Variants in CCDC81 observed in about 807,000 individuals in gnomAD.
CCDC81 encodes coiled-coil domain containing 81.
In CCDC81, 79 loss-of-function variants were observed where a neutral mutation model predicts 83.7. That is an observed-to-expected ratio of 0.94 (90% confidence interval 0.79 to 1.14). The LOEUF (loss-of-function observed/expected upper bound fraction) is 1.14, where lower values mean the gene tolerates loss of function less well. Among genes scored for constraint, CCDC81 ranks in the 50% most tolerant of loss-of-function variants. The pLI is 0.00. For missense variants in CCDC81, 791 were observed against 778.1 expected, an observed-to-expected ratio of 1.02 and a Z score of -0.20; for synonymous variants, 252 against 278.1, an observed-to-expected ratio of 0.91 and a Z score of 0.93.
intron 1 of CCDC81, among the ~76,000 whole-genome samples, chr11:86,379,182 C>T (rs1352638197): frequency 4.0e-5 from 6 of 151,886 alleles, no homozygotes; most frequent in Admixed American, 1.3e-4. Flanking sequence ...CTGCAAGCTC[C>T]GCCTCCTGGG....
intron 11 of CCDC81, among the ~76,000 whole-genome samples, chr11:86,413,331 G>A (rs1309980915): frequency 6.6e-6 from 1 of 152,200 alleles, no homozygotes; most frequent in Non-Finnish European, 1.5e-5. Context: ...GGATGGGGGT[G>A]TGGCAGGCCA....
chr11:86,409,600 C>T (rs1337068029), intron 10 of CCDC81, among the ~76,000 whole-genome samples: 4 of 152,124 alleles, frequency 2.6e-5, no homozygotes, highest in South Asian at 2.1e-4. Context: ...TACAGGCACC[C>T]GCCACCATGC....
chr11:86,414,069 A>G (rs961683045), intron 11 of CCDC81, among the ~76,000 whole-genome samples: 5 of 152,260 alleles, frequency 3.3e-5, no homozygotes, highest in African/African-American at 4.8e-5. Flanking sequence ...TACATATAAT[A>G]GAACCATAAT....
In CCDC81 at chr11:86,415,386, C is replaced by T. The variant is rs909107473; in HGVS notation, c.1691+73C>T. The T allele has an allele frequency of 3.0e-5, 35 of 1,167,678 alleles. No homozygotes were observed. The African/African-American group carries it at 4.4e-4, about 15-fold the overall frequency. The allele number at this position is 1,167,678 out of a possible 1,614,324, so 72.3% of individuals were successfully genotyped here. A position where few individuals can be genotyped will look rare whatever the true frequency, so the allele number is the denominator to read the frequency against. ...CGCTTCCTTTATCTCTCTTTTTCCA[C>T]CCTGTCCCTGCCCCTCATCTTTCTC... is the stretch of plus-strand genomic sequence containing the variant. On this transcript the variant is annotated intron_variant, in intron 13 of 14. Transcript: ENST00000445632.
At chr11:86,421,872 C>A (rs375263339) in intron 14 of CCDC81, among the ~76,000 whole-genome samples, 14 of 148,962 alleles carry the variant, frequency 9.4e-5, no homozygotes, top group Admixed American at 4.7e-4. Context: ...GAGCTGTGAT[C>A]GCACACTCCA....
intron 11 of CCDC81, chr11:86,414,473 A>T (rs1948688007): frequency 1.0e-5 from 2 of 195,270 alleles, no homozygotes; most frequent in African/African-American, 4.7e-5. Flanking sequence ...CCCCCGGCTA[A>T]TTCTTGTATT....
chr11:86,388,038 A>T (rs112935048), intron 3 of CCDC81, among the ~76,000 whole-genome samples: 2 of 152,374 alleles, frequency 1.3e-5, no homozygotes, highest in African/African-American at 4.8e-5. Context: ...TACAGTCAGT[A>T]TCAGCTGTCA....
At chr11:86,378,202 G>T (rs1948124981) in intron 1 of CCDC81, among the ~76,000 whole-genome samples, 1 of 151,882 alleles carries the variant, frequency 6.6e-6, no homozygotes, top group Admixed American at 6.6e-5. Flanking sequence ...TTGAAGTTGG[G>T]TAGTGACAGT....
rs992075082 is a variant in CCDC81 at position 86,397,431 on chromosome 11, C to T, written c.636-190C>T. Among the ~76,000 whole-genome samples, 4 of 152,192 alleles carry T rather than the reference C, an allele frequency of 2.6e-5. No individual in the cohort carries two copies. The East Asian group carries it at 7.7e-4, about 29-fold the overall frequency. ...ATGGTATAGAGGGAAAGGCCTTGGT[C>T]AGCTTCCAGAAAGCCTTGGAGAAAA... On this transcript the variant is annotated intron_variant, in intron 5 of 14. Transcript: ENST00000445632.
chr11:86,415,324 C>G lies in CCDC81; in HGVS notation c.1691+11C>G. 6.2e-7 allele frequency: 1 copy of G among 1,604,172 alleles called. No homozygotes were observed. Among genetic ancestry groups the G allele is most frequent in the South Asian group, 1.1e-5 (1 of 90,662 alleles). On this transcript the variant is annotated intron_variant, in intron 13 of 14. Coordinates refer to ENST00000445632, the MANE Select transcript of CCDC81 (RefSeq NM_001156474.2). ...GAGGACACAAAGAGAGTAAGGAGAC[C>G]CCTGATCTTTCTCCCTCCACTTCTC...
intron 12 of CCDC81, 25 bp from the exon 13 acceptor site, chr11:86,415,068 T>G (rs1391442452): frequency 6.2e-7 from 1 of 1,607,898 alleles, no homozygotes; most frequent in African/African-American, 1.3e-5. Context: ...AATGATAACC[T>G]GCATTATGTG....
intron 4 of CCDC81, 39 bp downstream of exon 4, chr11:86,392,836 T>C (rs1485680038): frequency 2.4e-5 from 36 of 1,530,058 alleles, no homozygotes; most frequent in Non-Finnish European, 2.9e-5. Context: ...CTTCTCCTAA[T>C]TGTGGTTCTG....
chr11:86,410,698 T>C (rs569294058), intron 10 of CCDC81, among the ~76,000 whole-genome samples: 2 of 152,322 alleles, frequency 1.3e-5, no homozygotes, highest in East Asian at 3.8e-4. Context: ...ATCTTAAATT[T>C]AAAAAGACCT....
intron 13 of CCDC81, among the ~76,000 whole-genome samples, chr11:86,417,508 GT>G (rs1948736933): frequency 6.6e-6 from 1 of 151,704 alleles, no homozygotes; most frequent in Non-Finnish European, 1.5e-5. Flanking sequence ...ACCTAGCAAT[GT>G]CATATACAAC....
chr11:86,415,691 T>C (rs1948709669), intron 13 of CCDC81, among the ~76,000 whole-genome samples: 1 of 152,160 alleles, frequency 6.6e-6, no homozygotes, highest in South Asian at 2.1e-4. Context: ...TTTTATTGAT[T>C]GAGACAGGGT....
chr11:86,375,346 C>G (rs965903455), intron 1 of CCDC81, 104 bp downstream of exon 1: 1 of 978,552 alleles, frequency 1.0e-6, no homozygotes, highest in Non-Finnish European at 1.5e-6. Flanking sequence ...TCAGGCCTGG[C>G]CTGCCGTGGC....
At chr11:86,418,678 T>C (rs1306559357) in intron 13 of CCDC81, among the ~76,000 whole-genome samples, 9 of 152,150 alleles carry the variant, frequency 5.9e-5, no homozygotes, top group African/African-American at 1.9e-4. Context: ...GTAAAATTCA[T>C]AGAAACAGAA....
chr11:86,387,506 T>G lies in CCDC81; in HGVS notation c.142-10T>G. On this transcript the variant is annotated splice_polypyrimidine_tract_variant and intron_variant, in intron 2 of 14. Coordinates refer to ENST00000445632, the MANE Select transcript of CCDC81 (RefSeq NM_001156474.2). ...AATGAATTCTGTTTTGTTTTGTTTT[T>G]TCCTTTCAGGGGGTTCAGATTCCAG... 6.2e-7 allele frequency: 1 copy of G among 1,612,882 alleles called. No individual in the cohort carries two copies. Among genetic ancestry groups the G allele is most frequent in the Non-Finnish European group, 8.5e-7 (1 of 1,179,664 alleles).
chr11:86,405,601 A>G (rs551731742), intron 7 of CCDC81, among the ~76,000 whole-genome samples: 1 of 152,134 alleles, frequency 6.6e-6, no homozygotes, highest in East Asian at 1.9e-4. Context: ...ATGTTTCTTC[A>G]GTATGCTTTC....
Sources: gnomAD v4.1 joint callset for allele counts (sites outside exome capture counted in the v4.1 genomes callset) on GRCh38, gnomAD v4.1.1 for gene constraint, MANE v1.5 for transcripts, NCBI Gene and HGNC (gene_info 2026-07-23, HGNC 2026-07-21) for gene names.